USP44: variants seen among roughly 807,000 people sequenced by gnomAD.
USP44 encodes the protein ubiquitin specific peptidase 44.
In USP44, 61 loss-of-function variants were observed where a neutral mutation model predicts 69.0. The ratio of observed to expected loss-of-function variants is 0.88; its 90% CI spans 0.72 to 1.09. The LOEUF is 1.09. Ranked by LOEUF, USP44 falls within the 50% of genes least tolerant of loss-of-function variation. The pLI, the probability that USP44 is intolerant of heterozygous loss-of-function variation, is 0.00. For missense variants in USP44, 753 were observed against 849.9 expected, an observed-to-expected ratio of 0.89 and a Z score of 1.42; for synonymous variants, 297 against 295.4, an observed-to-expected ratio of 1.01 and a Z score of -0.06.
intron 1 of USP44, chr12:95,546,975 T>C (rs1278175971): frequency 1.3e-5 from 2 of 152,182 alleles, no homozygotes; most frequent in Non-Finnish European, 2.9e-5. Context: ...TTCTTTGTAG[T>C]ACAGAAAAGA....
intron 1 of USP44, among the ~76,000 whole-genome samples, chr12:95,538,551 G>GT (rs397794030): frequency 6.6e-6 from 1 of 150,906 alleles, no homozygotes; most frequent in Non-Finnish European, 1.5e-5. Context: ...AAAGGGGGGG[G>GT]TCTCTCAAAG....
At chr12:95,527,312 C>G (rs1380205103) in intron 3 of USP44, among the ~76,000 whole-genome samples, 3 of 151,872 alleles carry the variant, frequency 2.0e-5, no homozygotes, top group African/African-American at 7.3e-5. Context: ...CCAGGCTGGT[C>G]TCGAACTCCT....
Position 95,533,268 on chromosome 12 carries a change from A to G in USP44, c.989T>C (p.Val330Ala). 6.2e-7 allele frequency: 1 copy of G among 1,614,122 alleles called. No homozygotes were observed. The highest frequency in any genetic ancestry group is 2.2e-5 in the East Asian group (1 of 44,884). Residue 330 changes from valine (V) to alanine (A), a missense_variant, in exon 2 of 6, where the codon GTA (valine) becomes GCA (alanine). Coordinates refer to ENST00000258499, the MANE Select transcript of USP44 (RefSeq NM_032147.5). Reference sequence around the variant, plus strand: ...CTGACATTCATTCATTTGATATACTACTGTATCTGTGACTGGTGGATGCTT... The same window carrying G: ...CTGACATTCATTCATTTGATATACTGCTGTATCTGTGACTGGTGGATGCTT... ...SCKHPPVTDT[V>A]VYQMNECQEK...
At position 95,516,698 on chromosome 12, in the gene USP44, C is replaced by T. The variant is rs2076480901; in HGVS notation, c.*1456G>A. 1 of 152,128 alleles carries T rather than the reference C, an allele frequency of 6.6e-6. No homozygotes were observed. The highest frequency in any genetic ancestry group is 6.5e-5 in the Admixed American group (1 of 15,270). 9.4% of individuals were successfully genotyped at this position (152,128 alleles called of 1,614,324 possible). On this transcript the variant is annotated 3_prime_UTR_variant, in exon 6 of 6. Coordinates refer to ENST00000258499, the MANE Select transcript of USP44 (RefSeq NM_032147.5). ...TGTATTTTCGGCACAAATGATTTGT[C>T]TATTCAGTGATAAAAGTCTCACTGC...
At chr12:95,541,451 T>A (rs2077386557) in intron 1 of USP44, among the ~76,000 whole-genome samples, 1 of 151,938 alleles carries the variant, frequency 6.6e-6, no homozygotes, top group Non-Finnish European at 1.5e-5. Flanking sequence ...CAGTTGCGTG[T>A]GCCTATAAGC....
At chr12:95,536,557 C>T (rs1386277918) in intron 1 of USP44, among the ~76,000 whole-genome samples, 1 of 152,036 alleles carries the variant, frequency 6.6e-6, no homozygotes, top group Non-Finnish European at 1.5e-5. Flanking sequence ...ATCCTTGACT[C>T]TCTCTCTCTA....
At chr12:95,528,740 TTCCTC>T in intron 3 of USP44, 62 bp downstream of exon 3, 1 of 1,461,430 alleles carries the variant, frequency 6.8e-7, no homozygotes, top group Non-Finnish European at 9.2e-7. Flanking sequence ...TTCTTTCAGC[TTCCTC>T]TCATCTGCGT....
At chr12:95,523,221 C>G (rs1477586198) in intron 4 of USP44, among the ~76,000 whole-genome samples, 1 of 152,168 alleles carries the variant, frequency 6.6e-6, no homozygotes. Context: ...TGGGGGCCCT[C>G]TGGAAAATTA....
intron 1 of USP44, among the ~76,000 whole-genome samples, chr12:95,543,953 G>C (rs2077480267): frequency 2.7e-5 from 3 of 109,112 alleles, no homozygotes; most frequent in Admixed American, 9.4e-5. Context: ...GGAGACAGAG[G>C]GAGACTGCAT....
chr12:95,536,029 CTTT>C (rs869258655), intron 1 of USP44, among the ~76,000 whole-genome samples: 1 of 123,872 alleles, frequency 8.1e-6, no homozygotes, highest in Non-Finnish European at 1.8e-5. Flanking sequence ...TCTTTCTTTC[CTTT>C]TTTTTCCTTT....
chr12:95,524,593 G>T (rs1041410103), intron 4 of USP44, 87 bp downstream of exon 4: 4 of 992,494 alleles, frequency 4.0e-6, no homozygotes, highest in Admixed American at 2.8e-5. Flanking sequence ...TTAAAGTAAG[G>T]GGAAAAAATT....
intron 1 of USP44, among the ~76,000 whole-genome samples, chr12:95,543,839 C>A (rs1416221403): frequency 6.8e-6 from 1 of 147,886 alleles, no homozygotes; most frequent in East Asian, 2.1e-4. Flanking sequence ...TAGTGGCGGG[C>A]GCCTGTAGTC....
At position 95,518,016 on chromosome 12, in the gene USP44, A is replaced by C. The variant is rs559016814; in HGVS notation, c.*138T>G. ...TGATATATACATTTATACTTTGTAAAAAAAAAAATTGTTAGATATAAAATG... is the reference window on the plus strand; with the variant it reads ...TGATATATACATTTATACTTTGTAACAAAAAAAATTGTTAGATATAAAATG... On this transcript the variant is annotated 3_prime_UTR_variant, in exon 6 of 6. Transcript: ENST00000258499. 1 of 943,122 alleles carries C rather than the reference A, an allele frequency of 1.1e-6. No homozygotes were observed. The highest frequency in any genetic ancestry group is 2.7e-5 in the East Asian group (1 of 37,172). The allele number at this position is 943,122 out of a possible 1,614,324, so 58.4% of individuals were successfully genotyped here.
In USP44 at chr12:95,532,879, G is replaced by A; in HGVS notation, c.1378C>T (p.Gln460Ter). ...ATGTTATTTACAACATTCAGAACTT[G>A]TTTGATGAGTTTCCTTTGAGAAGTG... is the stretch of plus-strand genomic sequence containing the variant. The part of the protein sequence containing the change: ...IPTSQRKLIK[Q>*]VLNVVNNIFH... The change falls in exon 2 of 6, where the codon CAA becomes TAA. Residue 460 changes from glutamine to a stop codon, truncating the protein, a stop_gained. Transcript: ENST00000258499. LOFTEE classifies it high-confidence loss of function. 1 of 1,609,468 alleles carries A rather than the reference G, an allele frequency of 6.2e-7. No individual in the cohort carries two copies.
Position 95,518,174 on chromosome 12 carries a change from A to ACGAGGTATCAG in USP44, c.2108_2118dup (p.Ser707LeufsTer30). ...TTGGATCAGCTAAGGATTTCATTAG[A>ACGAGGTATCAG]CGAGGTATCAGCGTCTTCATTGGGA... On this transcript the variant is annotated frameshift_variant, in exon 6 of 6. Coordinates refer to ENST00000258499, the MANE Select transcript of USP44 (RefSeq NM_032147.5). LOFTEE classifies it high-confidence loss of function. 1 of 1,614,220 alleles carries ACGAGGTATCAG rather than the reference A, an allele frequency of 6.2e-7. No homozygotes were observed. Among genetic ancestry groups the ACGAGGTATCAG allele is most frequent in the Non-Finnish European group, 8.5e-7 (1 of 1,180,044 alleles).
Position 95,534,135 on chromosome 12 carries a change from C to G in USP44, c.122G>C (p.Cys41Ser), listed in dbSNP as rs1565825036. ...ACAGGCAACATGGGAGCAGCTAAGG[C>G]AAGCCCAAATGGACTCGGTCGTGTT... is the stretch of plus-strand genomic sequence containing the variant. ...DCNTTESIWA[C>S]LSCSHVACGR... Residue 41 changes from cysteine (C) to serine (S), a missense_variant, in exon 2 of 6, where the codon TGC (cysteine) becomes TCC (serine). By Grantham distance (112) the Cys-to-Ser change is moderately radical. Transcript: ENST00000258499. The G allele has an allele frequency of 6.2e-7, 1 of 1,614,164 alleles. No individual in the cohort carries two copies.
chr12:95,520,535 AT>A (rs1179442511), intron 5 of USP44, among the ~76,000 whole-genome samples: 1 of 152,114 alleles, frequency 6.6e-6, no homozygotes, highest in African/African-American at 2.4e-5. Context: ...TAAAATCTCA[AT>A]CCAATCACTT....
In USP44 at chr12:95,517,306, T is replaced by A. The variant is rs2076504518; in HGVS notation, c.*848A>T. The A allele has an allele frequency of 6.6e-6, 1 of 152,086 alleles. No homozygotes were observed. Among genetic ancestry groups the A allele is most frequent in the Non-Finnish European group, 1.5e-5 (1 of 67,992 alleles). 9.4% of individuals were successfully genotyped at this position (152,086 alleles called of 1,614,324 possible). On this transcript the variant is annotated 3_prime_UTR_variant, in exon 6 of 6. Coordinates refer to ENST00000258499, the MANE Select transcript of USP44 (RefSeq NM_032147.5). Reference sequence around the variant, plus strand: ...CTCTATTCCTTTGAACTAAAAAAAATACATAAAGTTTTAAGAGATCTAATG... The same window carrying A: ...CTCTATTCCTTTGAACTAAAAAAAAAACATAAAGTTTTAAGAGATCTAATG...
In USP44 at chr12:95,517,202, A is replaced by G. The variant is rs1168808002; in HGVS notation, c.*952T>C. Reference sequence around the variant, plus strand: ...AATCAAGCTTTAGTTATTTAGAATGAGATGCTAGACATAATAATAGTCCAG... The same window carrying G: ...AATCAAGCTTTAGTTATTTAGAATGGGATGCTAGACATAATAATAGTCCAG... On this transcript the variant is annotated 3_prime_UTR_variant, in exon 6 of 6. Coordinates refer to ENST00000258499, the MANE Select transcript of USP44 (RefSeq NM_032147.5). 6.6e-6 allele frequency: 1 copy of G among 151,834 alleles called. No individual in the cohort carries two copies. The highest frequency in any genetic ancestry group is 1.5e-5 in the Non-Finnish European group (1 of 67,978). 9.4% of individuals were successfully genotyped at this position (151,834 alleles called of 1,614,324 possible).
Sources: gnomAD v4.1 joint callset for allele counts (sites outside exome capture counted in the v4.1 genomes callset) on GRCh38, gnomAD v4.1.1 for gene constraint, MANE v1.5 for transcripts, NCBI Gene and HGNC (gene_info 2026-07-23, HGNC 2026-07-21) for gene names.